Variants in ZNF28 observed in about 807,000 individuals in gnomAD.
The protein encoded by ZNF28 is zinc finger protein KOX24.
Under a neutral mutation model 7.2 loss-of-function variants are expected in ZNF28, and 5 were observed. The ratio of observed to expected loss-of-function variants is 0.70; its 90% CI spans 0.36 to 1.46. The LOEUF is 1.46. Among genes scored for constraint, ZNF28 ranks in the 40% most tolerant of loss-of-function variants. ZNF28 has a pLI of 0.03. For missense variants in ZNF28, 879 were observed against 866.6 expected (o/e 1.01, Z -0.18); for synonymous variants, 288 against 292.4 (o/e 0.99, Z 0.15).
chr19:52,813,809 G>A (rs1325942833), intron 2 of ZNF28, among the ~76,000 whole-genome samples: 1 of 146,420 alleles, frequency 6.8e-6, no homozygotes, highest in African/African-American at 2.7e-5. Context: ...CCTTGTTTTG[G>A]GGGGTTTAGA....
intron 2 of ZNF28, among the ~76,000 whole-genome samples, chr19:52,811,614 C>CCCGG: frequency 6.8e-6 from 1 of 147,056 alleles, no homozygotes; most frequent in Non-Finnish European, 1.5e-5. Context: ...AGCGTCTCTG[C>CCCGG]CCGGCCGCCC....
At chr19:52,806,171 A>C (rs1054832960) in intron 3 of ZNF28, 5 of 145,290 alleles carry the variant, frequency 3.4e-5, no homozygotes, top group African/African-American at 1.3e-4. Flanking sequence ...GAGAAGAAGA[A>C]GTCATTTTTG....
At chr19:52,809,821 A>AAGGCAGCGG in intron 2 of ZNF28, 1 of 264,684 alleles carries the variant, frequency 3.8e-6, no homozygotes, top group Non-Finnish European at 8.3e-6. Flanking sequence ...CTGAGCGGCG[A>AAGGCAGCGG]AGGCGGCGGC....
intron 2 of ZNF28, among the ~76,000 whole-genome samples, chr19:52,812,761 A>AT (rs1432085957): frequency 2.4e-3 from 154 of 65,092 alleles, no homozygotes; most frequent in Middle Eastern, 9.3e-3. Context: ...AGAATGATCA[A>AT]TAAAAAAAAA....
rs1555805983 is a variant in ZNF28, at chr19:52,810,768, T to TCAAAAA, written c.16-2636_16-2635insTTTTTG. ...AGGAAAGAAGGGGAAAAAAAAAGAA[T>TCAAAAA]AAAAAAAAACCCAAAAAAAACAGAA... On this transcript the variant is annotated intron_variant, in intron 2 of 3. Coordinates refer to ENST00000457749, the MANE Select transcript of ZNF28 (RefSeq NM_006969.5). The TCAAAAA allele has an allele frequency of 1.1e-3, 487 of 437,316 alleles. 10 individuals carry two copies. In the African/African-American group the frequency reaches 0.015, roughly 13 times the overall value. 27.1% of individuals were successfully genotyped at this position (437,316 alleles called of 1,614,324 possible).
At chr19:52,810,438 G>T in intron 2 of ZNF28, 6 of 1,600,562 alleles carry the variant, frequency 3.7e-6, no homozygotes, top group Non-Finnish European at 4.3e-6. Flanking sequence ...CAAAGGGTTT[G>T]CATATATAGA....
At chr19:52,820,553 G>A (rs966715811) in intron 1 of ZNF28, among the ~76,000 whole-genome samples, 10 of 151,552 alleles carry the variant, frequency 6.6e-5, no homozygotes, top group African/African-American at 1.5e-4. Context: ...GACCCAGTCT[G>A]GCACCCCAGA....
intron 2 of ZNF28, among the ~76,000 whole-genome samples, chr19:52,808,582 C>G (rs1376079791): frequency 6.6e-6 from 1 of 151,456 alleles, no homozygotes; most frequent in African/African-American, 2.4e-5. Context: ...TGCAGAGATC[C>G]CAGACAGTGT....
intron 3 of ZNF28, chr19:52,807,775 T>G: frequency 1.4e-6 from 1 of 733,150 alleles, no homozygotes; most frequent in Non-Finnish European, 2.1e-6. Context: ...ACGACCAGGC[T>G]GCCATAAAGT....
At chr19:52,802,859 C>G (rs532281946) in intron 3 of ZNF28, among the ~76,000 whole-genome samples, 7 of 147,392 alleles carry the variant, frequency 4.7e-5, no homozygotes, top group Non-Finnish European at 1.0e-4. Flanking sequence ...CTCCCGGGTT[C>G]ACGCCATTCT....
At chr19:52,812,383 A>T (rs896670670) in intron 2 of ZNF28, among the ~76,000 whole-genome samples, 2 of 139,244 alleles carry the variant, frequency 1.4e-5, no homozygotes, top group African/African-American at 6.2e-5. Context: ...GTGTGGATAG[A>T]AGTAGACATG....
At chr19:52,811,782 C>T (rs1389829324) in intron 2 of ZNF28, among the ~76,000 whole-genome samples, 10 of 147,712 alleles carry the variant, frequency 6.8e-5, no homozygotes, top group Middle Eastern at 3.6e-3. Context: ...GCCCCCCGCC[C>T]GGCCAGCCGC....
intron 2 of ZNF28, chr19:52,809,831 CG>C (rs1239161252): frequency 1.8e-6 from 1 of 554,796 alleles, no homozygotes; most frequent in Non-Finnish European, 3.1e-6. Flanking sequence ...AAGGCGGCGG[CG>C]GCGGCGGTGG....
intron 3 of ZNF28, 105 bp from the exon 4 acceptor site, chr19:52,801,807 A>T: frequency 9.1e-7 from 1 of 1,095,576 alleles, no homozygotes; most frequent in South Asian, 1.8e-5. Flanking sequence ...TAAACTTCCC[A>T]AACATGATCT....
At chr19:52,813,416 C>G (rs992490199) in intron 2 of ZNF28, among the ~76,000 whole-genome samples, 9 of 147,798 alleles carry the variant, frequency 6.1e-5, no homozygotes, top group African/African-American at 1.0e-4. Flanking sequence ...ACAGTGCAAG[C>G]TGCTCCCCGT....
rs1160205652 is a variant in ZNF28, at chr19:52,810,605, A to G, written c.16-2472T>C. 3.3e-6 allele frequency: 5 copies of G among 1,512,372 alleles called. 1 individual carries two copies. Among genetic ancestry groups the G allele is most frequent in the Non-Finnish European group, 4.6e-6 (5 of 1,090,032 alleles). 93.7% of individuals were successfully genotyped at this position (1,512,372 alleles called of 1,614,324 possible). A position where few individuals can be genotyped will look rare whatever the true frequency, so the allele number is the denominator to read the frequency against. ...CCGCTACCGCGCCCGACCACCAACT[A>G]CAGCAGTTCCTGCTCTCCATTCTAC... On this transcript the variant is annotated intron_variant, in intron 2 of 3. Coordinates refer to ENST00000457749, the MANE Select transcript of ZNF28 (RefSeq NM_006969.5).
In ZNF28 at chr19:52,801,157, A is replaced by G. The variant is rs769915558; in HGVS notation, c.688T>C (p.Leu230=). ...SGKSFNCSSL[L]KKHQITHLEE... is the part of the protein sequence containing the mutation. ...AAGTGGGTTATCTGATGTTTTTTTA[A>G]AAGTGAGCTACAATTAAAGGATTTG... is the stretch of plus-strand genomic sequence containing the variant. Residue 230 remains leucine (L), a synonymous_variant, in exon 4 of 4, where the codon TTA becomes CTA. Coordinates refer to ENST00000457749, the MANE Select transcript of ZNF28 (RefSeq NM_006969.5). The G allele has an allele frequency of 1.5e-5, 24 of 1,613,972 alleles. No homozygotes were observed. The highest frequency in any genetic ancestry group is 1.9e-5 in the Non-Finnish European group (23 of 1,180,020).
chr19:52,809,146 C>T (rs1194459739), intron 2 of ZNF28, among the ~76,000 whole-genome samples: 1 of 152,084 alleles, frequency 6.6e-6, no homozygotes, highest in Non-Finnish European at 1.5e-5. Context: ...CAGTTGCGGG[C>T]AGGGGGAATC....
intron 2 of ZNF28, chr19:52,809,792 GAAA>G (rs1016021249): frequency 2.0e-6 from 1 of 501,372 alleles, no homozygotes; most frequent in Non-Finnish European, 3.5e-6. Context: ...GTGACAGAGC[GAAA>G]AAAAAGGAGC....
Sources: allele counts gnomAD v4.1 joint callset (sites outside exome capture counted in the v4.1 genomes callset), GRCh38; gene constraint gnomAD v4.1.1; transcripts MANE v1.5; gene names NCBI Gene and HGNC (gene_info 2026-07-23, HGNC 2026-07-21).